The following GDPD2 variants were observed in gnomAD, a reference collection of about 807,000 sequenced individuals.
The protein encoded by GDPD2 is glycerophosphodiester phosphodiesterase 3.
GDPD2 carries 23 observed loss-of-function variants against 49.2 expected under a neutral mutation model. The observed-to-expected ratio is 0.47, with a 90% CI of 0.34 to 0.66. GDPD2 has a LOEUF of 0.66. Ranked by LOEUF, GDPD2 falls within the 30% of genes least tolerant of loss-of-function variation. The pLI is 0.01. For missense variants in GDPD2, 338 were observed against 424.7 expected (o/e 0.80, Z 1.79); for synonymous variants, 167 against 171.4 (o/e 0.97, Z 0.20).
chrX:70,432,462 C>T lies in GDPD2; in HGVS notation c.1455+8C>T, dbSNP rs1181792571. On this transcript the variant is annotated splice_region_variant and intron_variant, in intron 13 of 15. Coordinates refer to ENST00000374382, the MANE Select transcript of GDPD2 (RefSeq NM_017711.4). ...TACCCTATCTGGCTTATTGTAAGGGCTCTGGGACTGTCACCTCTCCTCTTC... is the reference window on the plus strand; with the variant it reads ...TACCCTATCTGGCTTATTGTAAGGGTTCTGGGACTGTCACCTCTCCTCTTC... 7 of 1,206,009 alleles carry T rather than the reference C, an allele frequency of 5.8e-6. No individual in the cohort carries two copies. The highest frequency in any genetic ancestry group is 7.9e-6 in the Non-Finnish European group (7 of 890,454).
intron 4 of GDPD2, 22 bp downstream of exon 4, chrX:70,425,878 C>T: frequency 2.0e-6 from 2 of 985,483 alleles, no homozygotes; most frequent in Non-Finnish European, 2.9e-6. Context: ...GGCCGCTGGC[C>T]TAACCCCACC....
intron 1 of GDPD2, 81 bp from the exon 2 acceptor site, chrX:70,424,895 G>C (rs1341553344): frequency 1.6e-6 from 1 of 611,725 alleles, no homozygotes; most frequent in Non-Finnish European, 2.5e-6. Context: ...CCTCTCCCCC[G>C]GGCTCCTCAG....
intron 2 of GDPD2, 29 bp downstream of exon 2, chrX:70,425,118 G>A: frequency 9.6e-7 from 1 of 1,044,875 alleles, no homozygotes; most frequent in Non-Finnish European, 1.3e-6. Flanking sequence ...GGGGAGGCTG[G>A]AAGTCAGAAG....
intron 12 of GDPD2, among the ~76,000 whole-genome samples, chrX:70,431,870 C>T (rs1184531172): frequency 9.0e-6 from 1 of 110,702 alleles, no homozygotes; most frequent in Admixed American, 9.5e-5. Context: ...AAAAAAAAGG[C>T]TGGTCCAAGC....
chrX:70,425,522 G>T, intron 3 of GDPD2, 65 bp downstream of exon 3: 1 of 769,518 alleles, frequency 1.3e-6, no homozygotes, highest in Non-Finnish European at 2.0e-6. Flanking sequence ...CCTGGGACCC[G>T]GGGGTGGCCC....
chrX:70,432,237 A>AG, intron 12 of GDPD2, 70 bp from the exon 13 acceptor site: 1 of 966,165 alleles, frequency 1.0e-6, no homozygotes. Flanking sequence ...AAGCACAGGC[A>AG]GGGGGCTGCC....
intron 12 of GDPD2, 108 bp from the exon 13 acceptor site, chrX:70,432,199 A>G (rs753803260): frequency 1.6e-6 from 1 of 613,884 alleles, no homozygotes; most frequent in Non-Finnish European, 2.6e-6. Context: ...CAGAGCTGAT[A>G]CCTCCTTGGC....
intron 12 of GDPD2, among the ~76,000 whole-genome samples, chrX:70,431,638 C>G (rs2086478060): frequency 8.8e-6 from 1 of 113,026 alleles, no homozygotes; most frequent in East Asian, 2.8e-4. Flanking sequence ...AATCCCAGCA[C>G]TTTGGGAGGC....
intron 1 of GDPD2, 74 bp downstream of exon 1, chrX:70,423,456 A>G (rs1407299122): frequency 8.9e-6 from 1 of 111,838 alleles, no homozygotes; most frequent in Non-Finnish European, 1.9e-5. Flanking sequence ...TCCCACTGGG[A>G]TTGGGCCGGG....
At position 70,432,904 on chromosome X, in the gene GDPD2, C is replaced by T; in HGVS notation, c.1539-8C>T. ...TGAACTCATAATGGGAAGCTTTTCT[C>T]CCCACAGAAGATTTGTTAAGAAGAG... is the stretch of plus-strand genomic sequence containing the variant. On this transcript the variant is annotated splice_region_variant and splice_polypyrimidine_tract_variant and intron_variant, in intron 14 of 15. Coordinates refer to ENST00000374382, the MANE Select transcript of GDPD2 (RefSeq NM_017711.4). 1.7e-6 allele frequency: 2 copies of T among 1,184,149 alleles called. No homozygotes were observed. Among genetic ancestry groups the T allele is most frequent in the Non-Finnish European group, 2.3e-6 (2 of 870,615 alleles).
chrX:70,432,117 T>C (rs544812149), intron 12 of GDPD2, among the ~76,000 whole-genome samples, 190 bp from the exon 13 acceptor site: 36 of 110,908 alleles, frequency 3.2e-4, no homozygotes, highest in African/African-American at 1.2e-3. Context: ...GACCCATGGG[T>C]GGAATCCACC....
intron 10 of GDPD2, chrX:70,427,848 G>A (rs1003135980): frequency 3.0e-5 from 4 of 132,987 alleles, no homozygotes; most frequent in South Asian, 2.6e-4. Context: ...CATGGGAGTG[G>A]TAGGGAGCAG....
In GDPD2 at chrX:70,426,676, C is replaced by A. The variant is rs2086427677; in HGVS notation, c.491C>A (p.Ala164Glu). 5 of 1,208,673 alleles carry A rather than the reference C, an allele frequency of 4.1e-6. No individual in the cohort carries two copies. The highest frequency in any genetic ancestry group is 5.6e-6 in the Non-Finnish European group (5 of 893,129). Reference sequence around the variant, plus strand: ...ACAGCCCCATTCCTTCATATTGGAGCAGCCGCTGGAATTGCCCTCCTGGCC... The same window carrying A: ...ACAGCCCCATTCCTTCATATTGGAGAAGCCGCTGGAATTGCCCTCCTGGCC... ...QATAPFLHIG[A>E]AAGIALLAWP... is the part of the protein sequence containing the mutation. Residue 164 changes from alanine to glutamate, a missense_variant, in exon 7 of 16, where the codon GCA becomes GAA. Ala to Glu is a moderately radical substitution (Grantham distance 107). Around this residue, in one of 3 missense-constraint regions of GDPD2, gnomAD observed 253 missense variants for 330.4 expected, o/e 0.77. Coordinates refer to ENST00000374382, the MANE Select transcript of GDPD2 (RefSeq NM_017711.4).
chrX:70,425,696 C>T, intron 3 of GDPD2, 67 bp from the exon 4 acceptor site: 1 of 636,968 alleles, frequency 1.6e-6, no homozygotes, highest in Non-Finnish European at 2.7e-6. Context: ...CCACCCACCC[C>T]ACCTCCCCTC....
intron 4 of GDPD2, 79 bp from the exon 5 acceptor site, chrX:70,425,973 G>A: frequency 1.1e-6 from 1 of 942,348 alleles, no homozygotes; most frequent in East Asian, 3.1e-5. Flanking sequence ...TAGGAGGGAA[G>A]TACCAGCCTG....
chrX:70,432,680 A>C lies in GDPD2; in HGVS notation c.1538+19A>C, dbSNP rs1396344965. On this transcript the variant is annotated intron_variant, in intron 14 of 15. Transcript: ENST00000374382. ...TCCAAAGGTGAGTGCTTTGTGCCTC[A>C]GCTTTCTGGGTCCTTACTTTCTCCA... 4.4e-6 allele frequency: 5 copies of C among 1,124,598 alleles called. No homozygotes were observed. The highest frequency in any genetic ancestry group is 4.9e-6 in the Non-Finnish European group (4 of 816,272). The allele number at this position is 1,124,598 out of a possible 1,213,427, so 92.7% of individuals were successfully genotyped here.
intron 2 of GDPD2, 75 bp downstream of exon 2, chrX:70,425,164 G>A (rs2086409156): frequency 1.3e-6 from 1 of 768,841 alleles, no homozygotes; most frequent in Admixed American, 2.7e-5. Flanking sequence ...GAGGCCAATT[G>A]TGCTCATAGA....
At chrX:70,427,899 T>C in intron 10 of GDPD2, 1 of 116,503 alleles carries the variant, frequency 8.6e-6, no homozygotes, top group Non-Finnish European at 1.8e-5. Flanking sequence ...GGCCCAGAAG[T>C]GTCAACTTCA....
At chrX:70,428,741 G>A (rs1474742664) in intron 10 of GDPD2, among the ~76,000 whole-genome samples, 1 of 112,022 alleles carries the variant, frequency 8.9e-6, no homozygotes, top group Non-Finnish European at 1.9e-5. Flanking sequence ...CTACCTTGTA[G>A]GGTTATTGGG....
Sources: allele counts gnomAD v4.1 joint callset (sites outside exome capture counted in the v4.1 genomes callset), GRCh38; gene constraint gnomAD v4.1.1; regional missense constraint gnomAD v4.1.1; transcripts MANE v1.5; gene names NCBI Gene and HGNC (gene_info 2026-07-23, HGNC 2026-07-21).